Variants in OXNAD1 observed in about 807,000 individuals in gnomAD.
OXNAD1 encodes oxidoreductase NAD binding domain containing 1, also known as oxidoreductase NAD-binding domain-containing protein 1.
OXNAD1 carries 34 observed loss-of-function variants against 32.9 expected under a neutral mutation model. The ratio of observed to expected loss-of-function variants is 1.03; its 90% confidence interval spans 0.79 to 1.38. The LOEUF is 1.38. Among genes scored for constraint, OXNAD1 ranks in the 40% most tolerant of loss-of-function variants. OXNAD1 has a pLI of 0.00. For missense variants in OXNAD1, 407 were observed against 379.4 expected (o/e 1.07, Z -0.60); for synonymous variants, 134 against 135.2 (o/e 0.99, Z 0.06).
At position 16,288,961 on chromosome 3, in the gene OXNAD1, C is replaced by T. The variant is rs1390375091; in HGVS notation, c.290+2513C>T. 1.3e-5 allele frequency among the ~76,000 whole-genome samples: 2 copies of T among 152,288 alleles called. No individual in the cohort carries two copies. The highest frequency in any genetic ancestry group is 2.9e-5 in the Non-Finnish European group (2 of 68,024). The stretch of plus-strand genomic sequence containing the variant: ...GCTACTGTGGGTAGCAGTGTATTGT[C>T]GCCTAGTGCCCTGGAGACTGCTCAG... On this transcript the variant is annotated intron_variant, in intron 5 of 8. Transcript: ENST00000285083. The surrounding 1 kb of genome is among the most constrained non-coding windows in gnomAD (Gnocchi z 5.1).
intron 9 of OXNAD1, among the ~76,000 whole-genome samples, chr3:16,318,111 T>C (rs943968843): frequency 1.3e-5 from 2 of 152,008 alleles, no homozygotes; most frequent in African/African-American, 4.8e-5. Context: ...CGGCCAGTAA[T>C]AGAGTTGGGC....
intron 4 of OXNAD1, among the ~76,000 whole-genome samples, chr3:16,279,253 C>G (rs1411629571): frequency 6.6e-6 from 1 of 152,080 alleles, no homozygotes; most frequent in Non-Finnish European, 1.5e-5. Context: ...TGGACTGCAG[C>G]TCTTAGAAAA....
rs942085707 is a variant in OXNAD1 at position 16,298,833 on chromosome 3, T to C, written c.433-2793T>C. 3.9e-5 allele frequency among the ~76,000 whole-genome samples: 6 copies of C among 152,326 alleles called. No individual in the cohort carries two copies. The highest frequency in any genetic ancestry group is 1.4e-4 in the African/African-American group (6 of 41,566). ...AAATCTATACCAAAATTAGATACAT[T>C]GCTGTGTAATTGAAGGTAATGTCCT... On this transcript the variant is annotated intron_variant, in intron 6 of 8. Transcript: ENST00000285083. The surrounding 1 kb of genome is among the most constrained non-coding windows in gnomAD (Gnocchi z 5.1).
Position 16,298,867 on chromosome 3 carries a change from C to T in OXNAD1, c.433-2759C>T, listed in dbSNP as rs1484086622. Reference sequence around the variant, plus strand: ...ATTGAAGGTAATGTCCTTTTATTCACTTACATATTACAGTGTACAGTACTT... The same window carrying T: ...ATTGAAGGTAATGTCCTTTTATTCATTTACATATTACAGTGTACAGTACTT... On this transcript the variant is annotated intron_variant, in intron 6 of 8. Coordinates refer to ENST00000285083, the MANE Select transcript of OXNAD1 (RefSeq NM_138381.5). The surrounding 1 kb of genome is among the most constrained non-coding windows in gnomAD (Gnocchi z 5.1). Among the ~76,000 whole-genome samples, 1 of 152,152 alleles carries T rather than the reference C, an allele frequency of 6.6e-6. No individual in the cohort carries two copies. Among genetic ancestry groups the T allele is most frequent in the Non-Finnish European group, 1.5e-5 (1 of 68,022 alleles).
chr3:16,289,283 G>A lies in OXNAD1; in HGVS notation c.290+2835G>A, dbSNP rs1326320102. Among the ~76,000 whole-genome samples, 1 of 152,110 alleles carries A rather than the reference G, an allele frequency of 6.6e-6. No individual in the cohort carries two copies. The highest frequency in any genetic ancestry group is 1.5e-5 in the Non-Finnish European group (1 of 68,014). ...ACTGAAGCTGTTGATTGGAAGAGTG[G>A]CAGGCCAGGCAGGAGTGGGGGCTTA... On this transcript the variant is annotated intron_variant, in intron 5 of 8. Transcript: ENST00000285083. The surrounding 1 kb of genome is among the most constrained non-coding windows in gnomAD (Gnocchi z 4.9).
At position 16,312,444 on chromosome 3, in the gene OXNAD1, C is replaced by G. The variant is rs914946936; in HGVS notation, c.*30+8852C>G. 6.6e-6 allele frequency among the ~76,000 whole-genome samples: 1 copy of G among 151,180 alleles called. No individual in the cohort carries two copies. The highest frequency in any genetic ancestry group is 1.5e-5 in the Non-Finnish European group (1 of 67,342). ...TGTGGCAACAACTGGGAGTCAGTGC[C>G]GAGCTTCTCCTGGCCACACACACCA... On this transcript the variant is annotated intron_variant, in intron 9 of 9. Coordinates refer to the OXNAD1 transcript ENST00000435829. This position sits in a 1 kb window ranked among gnomAD's most constrained non-coding sequence, Gnocchi z 4.7.
exon 10 of OXNAD1, chr3:16,349,183 G>A (rs2071927642): frequency 6.6e-6 from 1 of 152,228 alleles, no homozygotes; most frequent in Non-Finnish European, 1.5e-5. Flanking sequence ...CAGCAGAAGA[G>A]TACTAGCGGC....
intron 9 of OXNAD1, among the ~76,000 whole-genome samples, chr3:16,343,843 G>T (rs2071470016): frequency 6.6e-6 from 1 of 152,236 alleles, no homozygotes; most frequent in African/African-American, 2.4e-5. Context: ...CCTAGGTAAG[G>T]TGAAATGTGG....
intron 1 of OXNAD1, among the ~76,000 whole-genome samples, chr3:16,267,632 T>C (rs1305862663): frequency 6.6e-6 from 1 of 152,204 alleles, no homozygotes; most frequent in Admixed American, 6.5e-5. Flanking sequence ...ACTGGAGAGA[T>C]GTCTTTCTTG....
Position 16,317,040 on chromosome 3 carries a change from T to A in OXNAD1, c.*30+13448T>A. 1 of 1,613,754 alleles carries A rather than the reference T, an allele frequency of 6.2e-7. No homozygotes were observed. Among genetic ancestry groups the A allele is most frequent in the Non-Finnish European group, 8.5e-7 (1 of 1,179,924 alleles). On this transcript the variant is annotated intron_variant, in intron 9 of 9. Transcript: ENST00000435829. This position sits in a 1 kb window ranked among gnomAD's most constrained non-coding sequence, Gnocchi z 4.3. ...CCCTTGTCCTCTTGGACAGGGCCCT[T>A]CATCTCCTCGGAGACTCCACCCTCC...
intron 9 of OXNAD1, chr3:16,323,477 G>C (rs770776552): frequency 6.3e-7 from 1 of 1,594,082 alleles, no homozygotes; most frequent in Admixed American, 1.7e-5. Flanking sequence ...ACGGAGCTGA[G>C]AATGAGCCAC....
chr3:16,286,189 C>T (rs2066058515), intron 4 of OXNAD1, among the ~76,000 whole-genome samples, 153 bp from the exon 5 acceptor site: 1 of 152,228 alleles, frequency 6.6e-6, no homozygotes, highest in Non-Finnish European at 1.5e-5. Context: ...TGGTGGTAGG[C>T]TGAACTAAAG....
At chr3:16,332,756 C>A (rs1039493978) in intron 9 of OXNAD1, among the ~76,000 whole-genome samples, 4 of 152,064 alleles carry the variant, frequency 2.6e-5, no homozygotes, top group Non-Finnish European at 5.9e-5. Context: ...ATCTACTTTC[C>A]ATCTATCTAA....
intron 9 of OXNAD1, among the ~76,000 whole-genome samples, chr3:16,326,615 G>A (rs963849576): frequency 8.5e-5 from 13 of 152,290 alleles, no homozygotes; most frequent in African/African-American, 2.9e-4. Context: ...TTAAGAATGT[G>A]AAATTCTGGC....
chr3:16,271,705 A>G lies in OXNAD1; in HGVS notation c.166A>G (p.Ser56Gly). The G allele has an allele frequency of 6.2e-7, 1 of 1,607,856 alleles. No homozygotes were observed. The highest frequency in any genetic ancestry group is 1.1e-5 in the South Asian group (1 of 89,500). ...AACTGATCACATGGAGAGAACTGCAAGTGTCCTTCGACGGGAGGTTTGTAT... is the reference window on the plus strand; with the variant it reads ...AACTGATCACATGGAGAGAACTGCAGGTGTCCTTCGACGGGAGGTTTGTAT... ...RKTDHMERTA[S>G]VLRREIVSAA... is the part of the protein sequence containing the mutation. The change falls in exon 4 of 9, where the codon AGT (serine) becomes GGT (glycine). Residue 56 changes from serine (S) to glycine (G), a missense_variant. By Grantham distance (56) the Ser-to-Gly change is moderately conservative. Transcript: ENST00000285083. This position sits in a 1 kb window ranked among gnomAD's most constrained non-coding sequence, Gnocchi z 4.6.
chr3:16,342,887 ACT>A lies in OXNAD1; in HGVS notation c.*31-6288_*31-6287del, dbSNP rs1559839633. 6.6e-6 allele frequency among the ~76,000 whole-genome samples: 1 copy of A among 152,178 alleles called. No individual in the cohort carries two copies. Among genetic ancestry groups the A allele is most frequent in the Non-Finnish European group, 1.5e-5 (1 of 68,028 alleles). ...TCCCTAATCTCCACCCCGAAGACCC[ACT>A]GACTTTGAGTCTCGATCTCAGCTCA... On this transcript the variant is annotated intron_variant, in intron 9 of 9. Coordinates refer to the OXNAD1 transcript ENST00000606098. The surrounding 1 kb of genome is among the most constrained non-coding windows in gnomAD (Gnocchi z 4.0).
rs1212401612 is a variant in OXNAD1 at position 16,345,479 on chromosome 3, G to A, written c.*31-3697G>A. Among the ~76,000 whole-genome samples the A allele has an allele frequency of 6.6e-6, 1 of 152,190 alleles. No individual in the cohort carries two copies. The highest frequency in any genetic ancestry group is 6.5e-5 in the Admixed American group (1 of 15,286). On this transcript the variant is annotated intron_variant, in intron 9 of 9. Transcript: ENST00000606098. The surrounding 1 kb of genome is among the most constrained non-coding windows in gnomAD (Gnocchi z 5.2). ...AGATTAGCATTTGAATGGGTCAACT[G>A]AGTAGACCAGATGGCCCTCCCCAGT...
At chr3:16,315,938 C>T (rs1275392918) in intron 9 of OXNAD1, 1 of 152,208 alleles carries the variant, frequency 6.6e-6, no homozygotes, top group African/African-American at 2.4e-5. Context: ...ATCAGCATTC[C>T]CTCTCCAAGG....
Position 16,271,767 on chromosome 3 carries a change from T to G in OXNAD1, c.183+45T>G, listed in dbSNP as rs377200609. 3.5e-4 allele frequency: 540 copies of G among 1,528,296 alleles called. No homozygotes were observed. Among genetic ancestry groups the G allele is most frequent in the Non-Finnish European group, 4.6e-4 (518 of 1,119,340 alleles). The allele number at this position is 1,528,296 out of a possible 1,614,324, so 94.7% of individuals were successfully genotyped here. ...GACAGGTTTTTCCAGCTAGACCGTT[T>G]ACATGTGGTTATGACTGGCTTATGG... On this transcript the variant is annotated intron_variant, in intron 4 of 8. Coordinates refer to ENST00000285083, the MANE Select transcript of OXNAD1 (RefSeq NM_138381.5). The surrounding 1 kb of genome is among the most constrained non-coding windows in gnomAD (Gnocchi z 4.6).
Sources: gnomAD v4.1 joint callset for allele counts (sites outside exome capture counted in the v4.1 genomes callset) on GRCh38, gnomAD v4.1.1 for gene constraint, Gnocchi (gnomAD v3.1) non-coding constraint, MANE v1.5 for transcripts, NCBI Gene and HGNC (gene_info 2026-07-23, HGNC 2026-07-21) for gene names.